ELOVL2: variants seen among roughly 807,000 people sequenced by gnomAD.
The protein encoded by ELOVL2 is very long chain fatty acid elongase 2.
Under a neutral mutation model 37.7 loss-of-function variants are expected in ELOVL2, and 38 were observed. The ratio of observed to expected loss-of-function variants is 1.01; its 90% CI spans 0.78 to 1.32. The LOEUF is 1.32. Ranked by LOEUF, ELOVL2 falls within the 40% of genes most tolerant of loss-of-function variation. The pLI is 0.00. For synonymous variants in ELOVL2, 115 were observed against 122.3 expected, an observed-to-expected ratio of 0.94 and a Z score of 0.40; for missense variants, 352 against 363.6, an observed-to-expected ratio of 0.97 and a Z score of 0.26.
rs576179790 is a variant in ELOVL2, at chr6:11,036,052, T to C, written c.3+8176A>G. 1.8e-4 allele frequency among the ~76,000 whole-genome samples: 27 copies of C among 151,412 alleles called. No individual in the cohort carries two copies. In the South Asian group the frequency reaches 5.3e-3, roughly 30 times the overall value. The stretch of plus-strand genomic sequence containing the variant: ...AGGAGAACAAATGCAAAATATTAAT[T>C]CCAAAGTTTACACTAAGGACTTAAG... On this transcript the variant is annotated intron_variant, in intron 1 of 7. Transcript: ENST00000354666.
intron 2 of ELOVL2, among the ~76,000 whole-genome samples, chr6:11,006,679 T>G (rs924094838): frequency 1.3e-5 from 2 of 152,238 alleles, no homozygotes; most frequent in African/African-American, 4.8e-5. Flanking sequence ...AAGCTCTGAC[T>G]GTCCCATCAC....
rs1379616015 is a variant in ELOVL2, at chr6:11,005,528, G to C, written c.99C>G (p.Asp33Glu). ...TAAGAAAAAAGGTAGGAAGGTAAGAGTCCAACATGAACCACCCTCTGACTC... is the reference window on the plus strand; with the variant it reads ...TAAGAAAAAAGGTAGGAAGGTAAGACTCCAACATGAACCACCCTCTGACTC... ...DSRVRGWFMLDSYLPTFFLTV... is the reference protein window; with the variant it reads ...DSRVRGWFMLESYLPTFFLTV... The change falls in exon 3 of 8, where the codon GAC (aspartate) becomes GAG (glutamate). Residue 33 changes from aspartate (D) to glutamate (E), a missense_variant. Coordinates refer to ENST00000354666, the MANE Select transcript of ELOVL2 (RefSeq NM_017770.4). 6.2e-7 allele frequency: 1 copy of C among 1,613,820 alleles called. No individual in the cohort carries two copies.
rs1352864698 is a variant in ELOVL2, at chr6:10,983,068, CAG to C, written c.*711_*712del. 1.3e-5 allele frequency: 2 copies of C among 152,202 alleles called. No homozygotes were observed. The highest frequency in any genetic ancestry group is 2.4e-5 in the African/African-American group (1 of 41,448). 9.4% of individuals were successfully genotyped at this position (152,202 alleles called of 1,614,324 possible). ...ATGAACAGATGAATGATTAGGGAAA[CAG>C]AGGAACAATCCTATCCACAGCCCCT... On this transcript the variant is annotated 3_prime_UTR_variant, in exon 8 of 8. Transcript: ENST00000354666.
intron 2 of ELOVL2, among the ~76,000 whole-genome samples, chr6:11,006,579 C>T (rs1053804652): frequency 6.6e-6 from 1 of 152,172 alleles, no homozygotes; most frequent in African/African-American, 2.4e-5. Flanking sequence ...TTCTAAGTCC[C>T]TTTCTGGTGC....
At chr6:11,035,003 CTAAATAAA>C (rs547206935) in intron 1 of ELOVL2, among the ~76,000 whole-genome samples, 20 of 151,974 alleles carry the variant, frequency 1.3e-4, no homozygotes, top group South Asian at 1.2e-3. Context: ...ACTCTTGTCT[CTAAATAAA>C]TAAATAAATA....
chr6:10,998,608 G>T (rs1460688170), intron 4 of ELOVL2, among the ~76,000 whole-genome samples: 1 of 152,164 alleles, frequency 6.6e-6, no homozygotes, highest in Admixed American at 6.5e-5. Flanking sequence ...TTTTTAGGCA[G>T]TGGGGTCCCT....
chr6:11,021,233 T>C (rs539053600), intron 1 of ELOVL2, among the ~76,000 whole-genome samples: 11 of 152,342 alleles, frequency 7.2e-5, no homozygotes, highest in African/African-American at 2.6e-4. Context: ...TGCCACTGCA[T>C]GTGTTCTTCC....
intron 1 of ELOVL2, among the ~76,000 whole-genome samples, chr6:11,030,337 C>T (rs545087526): frequency 9.9e-5 from 15 of 152,140 alleles, no homozygotes; most frequent in Admixed American, 9.8e-4. Context: ...CTATTCTTAA[C>T]AGACCTCTGA....
intron 1 of ELOVL2, among the ~76,000 whole-genome samples, chr6:11,017,937 A>G (rs1170687355): frequency 2.0e-5 from 3 of 152,046 alleles, no homozygotes; most frequent in Non-Finnish European, 4.4e-5. Context: ...CTTTTACAAT[A>G]CTCACGATAT....
At chr6:11,040,595 C>T (rs191190588) in intron 1 of ELOVL2, among the ~76,000 whole-genome samples, 345 of 152,040 alleles carry the variant, frequency 2.3e-3, no homozygotes, top group Non-Finnish European at 3.7e-3. Context: ...ATTACATATG[C>T]GATTTATGTT....
intron 1 of ELOVL2, among the ~76,000 whole-genome samples, chr6:11,012,895 A>T (rs1240308977): frequency 6.6e-6 from 1 of 152,342 alleles, no homozygotes; most frequent in South Asian, 2.1e-4. Context: ...ACAAATAAAT[A>T]AAAAAATTGC....
intron 7 of ELOVL2, 39 bp from the exon 8 acceptor site, chr6:10,983,945 G>T (rs1370218999): frequency 1.0e-5 from 16 of 1,562,422 alleles, no homozygotes; most frequent in Non-Finnish European, 1.4e-5. Context: ...AAATAAAAAG[G>T]TTATTTAATA....
chr6:11,033,741 C>T (rs1313868488), intron 1 of ELOVL2, among the ~76,000 whole-genome samples: 2 of 152,132 alleles, frequency 1.3e-5, no homozygotes, highest in Admixed American at 6.5e-5. Context: ...AGAATAAAAC[C>T]TTTATCACTT....
intron 1 of ELOVL2, among the ~76,000 whole-genome samples, chr6:11,033,210 A>G (rs1782959488): frequency 6.6e-6 from 1 of 152,150 alleles, no homozygotes; most frequent in South Asian, 2.1e-4. Flanking sequence ...TACACTATTT[A>G]AGTGTATTAA....
intron 1 of ELOVL2, among the ~76,000 whole-genome samples, chr6:11,016,310 T>C (rs1011524840): frequency 1.3e-5 from 2 of 152,196 alleles, no homozygotes; most frequent in African/African-American, 2.4e-5. Context: ...TTATAGAACA[T>C]TTTAAAGACA....
At chr6:10,988,964 A>G (rs1277478698) in intron 7 of ELOVL2, among the ~76,000 whole-genome samples, 2 of 152,256 alleles carry the variant, frequency 1.3e-5, no homozygotes, top group African/African-American at 4.8e-5. Flanking sequence ...GTAGCTGATA[A>G]GGAACCAATT....
chr6:11,008,130 A>G (rs573391293), intron 2 of ELOVL2, among the ~76,000 whole-genome samples: 3 of 151,998 alleles, frequency 2.0e-5, no homozygotes, highest in African/African-American at 7.2e-5. Context: ...GTGATGTGCC[A>G]GTCAGCATCA....
intron 5 of ELOVL2, among the ~76,000 whole-genome samples, chr6:10,992,950 T>G (rs761211801): frequency 2.0e-5 from 3 of 152,146 alleles, no homozygotes; most frequent in Non-Finnish European, 2.9e-5. Flanking sequence ...CCTAGCACTT[T>G]AGGAAGCTGA....
chr6:11,021,101 A>G (rs1782759893), intron 1 of ELOVL2, among the ~76,000 whole-genome samples: 1 of 152,248 alleles, frequency 6.6e-6, no homozygotes, highest in African/African-American at 2.4e-5. Context: ...CTGGGCCAGA[A>G]TGTGATGACC....
Sources: gnomAD v4.1 joint callset for allele counts (sites outside exome capture counted in the v4.1 genomes callset) on GRCh38, gnomAD v4.1.1 for gene constraint, MANE v1.5 for transcripts, NCBI Gene and HGNC (gene_info 2026-07-23, HGNC 2026-07-21) for gene names.